MSR1: variants seen among roughly 807,000 people sequenced by gnomAD.
MSR1 encodes the protein macrophage scavenger receptor types I and II.
Under a neutral mutation model 47.2 loss-of-function variants are expected in MSR1, and 53 were observed. The observed-to-expected ratio is 1.12, with a 90% CI of 0.90 to 1.41. The LOEUF is 1.41. Ranked by LOEUF, MSR1 falls within the 40% of genes most tolerant of loss-of-function variation. MSR1 has a pLI of 0.00. For missense variants in MSR1, 786 were observed against 546.9 expected, an observed-to-expected ratio of 1.44 and a Z score of -4.36; for synonymous variants, 239 against 185.6, an observed-to-expected ratio of 1.29 and a Z score of -2.34.
chr8:16,147,077 G>T (rs1368244667), intron 7 of MSR1, among the ~76,000 whole-genome samples: 5 of 152,150 alleles, frequency 3.3e-5, no homozygotes, highest in African/African-American at 1.2e-4. Context: ...TACGTTATTT[G>T]CATGCTGAAA....
intron 5 of MSR1, among the ~76,000 whole-genome samples, chr8:16,156,546 T>C (rs1801016163): frequency 1.3e-5 from 2 of 151,884 alleles, no homozygotes; most frequent in Non-Finnish European, 2.9e-5. Context: ...TCTCCTCATA[T>C]GCAACATTGG....
intron 8 of MSR1, among the ~76,000 whole-genome samples, chr8:16,122,680 GTA>G (rs1039721223): frequency 6.6e-6 from 1 of 151,984 alleles, no homozygotes; most frequent in African/African-American, 2.4e-5. Flanking sequence ...GATGATTGCA[GTA>G]TATATTTAGA....
intron 7 of MSR1, among the ~76,000 whole-genome samples, chr8:16,148,349 C>T (rs531609322): frequency 1.4e-4 from 21 of 152,262 alleles, no homozygotes; most frequent in African/African-American, 5.1e-4. Context: ...ATAATACTCT[C>T]CAAAGCTAAA....
intron 1 of MSR1, among the ~76,000 whole-genome samples, chr8:16,189,139 A>T (rs924583692): frequency 5.7e-5 from 8 of 140,514 alleles, no homozygotes; most frequent in African/African-American, 2.2e-4. Flanking sequence ...CTTATTTTAC[A>T]TATATTTCAT....
chr8:16,154,995 C>T (rs1800961431), intron 6 of MSR1, 69 bp downstream of exon 6: 1 of 1,327,004 alleles, frequency 7.5e-7, no homozygotes, highest in Admixed American at 1.7e-5. Flanking sequence ...CAATCCTCCC[C>T]TACACATGTA....
intron 8 of MSR1, among the ~76,000 whole-genome samples, chr8:16,129,804 G>A (rs1026504113): frequency 2.6e-5 from 4 of 152,144 alleles, no homozygotes; most frequent in South Asian, 2.1e-4. Context: ...AGAGACGATC[G>A]GCTGAAGGGG....
Position 16,175,283 on chromosome 8 carries a change from A to T in MSR1, c.121T>A (p.Ser41Thr). The change falls in exon 3 of 10, where the codon TCC (serine) becomes ACC (threonine). Residue 41 changes from serine to threonine, a missense_variant. Transcript: ENST00000262101. Reference protein sequence around the residue: ...LLPPNPKNSPSLQEKLKSFKA... With the variant: ...LLPPNPKNSPTLQEKLKSFKA... ...AAGGACTTCAGTTTCTCTTGAAGGG[A>T]AGGGCTGTTTTTAGGATCTAATAAA... 1 of 1,614,064 alleles carries T rather than the reference A, an allele frequency of 6.2e-7. No individual in the cohort carries two copies. The highest frequency in any genetic ancestry group is 8.5e-7 in the Non-Finnish European group (1 of 1,179,936).
chr8:16,126,306 C>A (rs183717376), intron 8 of MSR1, among the ~76,000 whole-genome samples: 2 of 152,164 alleles, frequency 1.3e-5, no homozygotes, highest in Non-Finnish European at 2.9e-5. Context: ...AAGAAATAAT[C>A]GAACATAGAA....
At chr8:16,182,973 T>C (rs562613374) in intron 1 of MSR1, among the ~76,000 whole-genome samples, 1 of 152,288 alleles carries the variant, frequency 6.6e-6, no homozygotes, top group African/African-American at 2.4e-5. Flanking sequence ...TACACCAGCA[T>C]CACCACAAAT....
intron 1 of MSR1, 106 bp from the exon 2 acceptor site, chr8:16,178,098 T>C: frequency 1.2e-6 from 1 of 844,814 alleles, no homozygotes; most frequent in South Asian, 1.5e-5. Flanking sequence ...ATCTATTCAG[T>C]TTTTCTTTTT....
chr8:16,165,821 C>A (rs1341415713), intron 4 of MSR1, among the ~76,000 whole-genome samples: 1 of 152,102 alleles, frequency 6.6e-6, no homozygotes, highest in Non-Finnish European at 1.5e-5. Flanking sequence ...GAGAGACTTA[C>A]CAGCTTTTAT....
intron 1 of MSR1, among the ~76,000 whole-genome samples, chr8:16,189,416 T>G (rs1333094274): frequency 1.1e-5 from 1 of 91,584 alleles, no homozygotes; most frequent in South Asian, 3.2e-4. Flanking sequence ...TATATATATT[T>G]TATATATATA....
chr8:16,183,286 T>G (rs907592371), intron 1 of MSR1, among the ~76,000 whole-genome samples: 1 of 152,142 alleles, frequency 6.6e-6, no homozygotes, highest in Non-Finnish European at 1.5e-5. Flanking sequence ...TAAGACCGTT[T>G]GTGAAAAAAG....
chr8:16,119,702 C>A (rs1370017749), intron 9 of MSR1, among the ~76,000 whole-genome samples: 1 of 151,480 alleles, frequency 6.6e-6, no homozygotes, highest in African/African-American at 2.4e-5. Flanking sequence ...CCTTTTTCTA[C>A]TTTTCTGTAA....
intron 5 of MSR1, among the ~76,000 whole-genome samples, chr8:16,158,030 T>C (rs1000199476): frequency 5.3e-5 from 8 of 152,066 alleles, no homozygotes; most frequent in African/African-American, 1.9e-4. Context: ...AAAATTTTGT[T>C]CCATACTGAC....
At chr8:16,169,275 G>A (rs1352919737) in intron 3 of MSR1, among the ~76,000 whole-genome samples, 2 of 152,190 alleles carry the variant, frequency 1.3e-5, no homozygotes, top group Non-Finnish European at 2.9e-5. Flanking sequence ...TGTTGAATAT[G>A]TTAACAATGG....
rs370750115 is a variant in MSR1 at position 16,188,900 on chromosome 8, C to A, written c.-5+3698G>T. Among the ~76,000 whole-genome samples the A allele has an allele frequency of 9.3e-5, 14 of 150,616 alleles. No homozygotes were observed. In the South Asian group the frequency reaches 2.5e-3, roughly 27 times the overall value. ...GTATATATGCCACATTTTCTTTACC[C>A]AGTCTATCACTGAGGGACATTTGGG... On this transcript the variant is annotated intron_variant, in intron 1 of 9. Transcript: ENST00000262101.
intron 3 of MSR1, among the ~76,000 whole-genome samples, chr8:16,173,709 C>T (rs917774505): frequency 5.3e-5 from 8 of 151,940 alleles, no homozygotes; most frequent in Admixed American, 4.6e-4. Flanking sequence ...AGCACAGTGG[C>T]GCGATCTCGG....
intron 8 of MSR1, among the ~76,000 whole-genome samples, chr8:16,127,381 G>T (rs1800153792): frequency 6.6e-6 from 1 of 152,162 alleles, no homozygotes; most frequent in South Asian, 2.1e-4. Context: ...TAAGCAATCA[G>T]CAAGACTATT....
Sources: gnomAD v4.1 joint callset for allele counts (sites outside exome capture counted in the v4.1 genomes callset) on GRCh38, gnomAD v4.1.1 for gene constraint, MANE v1.5 for transcripts, NCBI Gene and HGNC (gene_info 2026-07-23, HGNC 2026-07-21) for gene names.